The following NKAIN2 variants were observed in gnomAD, a reference collection of about 807,000 sequenced individuals.
NKAIN2 encodes sodium/potassium transporting ATPase interacting 2.
Under a neutral mutation model 32.6 loss-of-function variants are expected in NKAIN2, and 14 were observed. That is an observed-to-expected ratio of 0.43 (90% CI 0.28 to 0.67). The LOEUF (loss-of-function observed/expected upper bound fraction) is 0.67, where lower values mean the gene tolerates loss of function less well. Ranked by LOEUF, NKAIN2 falls within the 30% of genes least tolerant of loss-of-function variation. The pLI is 0.17. For missense variants in NKAIN2, 198 were observed against 258.3 expected, an observed-to-expected ratio of 0.77 and a Z score of 1.60; for synonymous variants, 80 against 87.2, an observed-to-expected ratio of 0.92 and a Z score of 0.46.
chr6:124,759,659 C>CA (rs1778163131), intron 4 of NKAIN2, among the ~76,000 whole-genome samples: 1 of 107,628 alleles, frequency 9.3e-6, no homozygotes, highest in East Asian at 4.5e-4. Flanking sequence ...ACACACACCC[C>CA]CTATCTCCCT....
chr6:124,417,671 C>T (rs988088597), intron 3 of NKAIN2, among the ~76,000 whole-genome samples: 13 of 152,218 alleles, frequency 8.5e-5, no homozygotes, highest in South Asian at 2.1e-4. Flanking sequence ...GTGACTTTGT[C>T]TTCAGAACAC....
At chr6:124,601,061 G>C (rs1048995939) in intron 3 of NKAIN2, among the ~76,000 whole-genome samples, 1 of 151,996 alleles carries the variant, frequency 6.6e-6, no homozygotes, top group Non-Finnish European at 1.5e-5. Context: ...CATAGAGATA[G>C]GAAGGATAAT....
intron 1 of NKAIN2, among the ~76,000 whole-genome samples, chr6:123,864,839 C>G (rs1775921059): frequency 6.6e-6 from 1 of 152,126 alleles, no homozygotes; most frequent in South Asian, 2.1e-4. Context: ...TCTCAGTTAA[C>G]CTCCTAGAAA....
At chr6:124,292,262 A>T (rs937398906) in intron 2 of NKAIN2, among the ~76,000 whole-genome samples, 8 of 152,126 alleles carry the variant, frequency 5.3e-5, no homozygotes, top group African/African-American at 1.7e-4. Flanking sequence ...CTAGCAGTCC[A>T]GCATTTTTTT....
intron 4 of NKAIN2, among the ~76,000 whole-genome samples, chr6:124,761,939 G>A (rs746724342): frequency 2.6e-5 from 4 of 152,118 alleles, no homozygotes; most frequent in Non-Finnish European, 4.4e-5. Context: ...CAATTTCAGT[G>A]TCCTTTATCT....
chr6:124,286,663 TGTGTGTGTGTGCGCGCGC>T (rs1795560290), intron 2 of NKAIN2, among the ~76,000 whole-genome samples: 1 of 124,064 alleles, frequency 8.1e-6, no homozygotes, highest in African/African-American at 4.6e-5. Context: ...TGTGTGTGTG[TGTGTGTGTGTGCGCGCGC>T]GTGTGTGTGT....
At chr6:124,173,652 G>C (rs1207951887) in intron 1 of NKAIN2, among the ~76,000 whole-genome samples, 1 of 152,024 alleles carries the variant, frequency 6.6e-6, no homozygotes, top group African/African-American at 2.4e-5. Flanking sequence ...AACTAAATTT[G>C]ATACTGACTT....
At position 124,712,677 on chromosome 6, in the gene NKAIN2, C is replaced by G. The variant is rs28378816; in HGVS notation, c.474+54291C>G. On this transcript the variant is annotated intron_variant, in intron 4 of 6. Transcript: ENST00000368417. ...GGCAATGCCTGGCCCTGCTTCGGCTCGTGCACGGTGTGCGCACCCACTGAC... is the reference window on the plus strand; with the variant it reads ...GGCAATGCCTGGCCCTGCTTCGGCTGGTGCACGGTGTGCGCACCCACTGAC... 3.0e-3 allele frequency among the ~76,000 whole-genome samples: 458 copies of G among 151,816 alleles called. 2 individuals are homozygous for G. Among genetic ancestry groups the G allele is most frequent in the African/African-American group, 0.01 (421 of 41,338 alleles).
At chr6:124,167,514 T>A (rs542202240) in intron 1 of NKAIN2, among the ~76,000 whole-genome samples, 27 of 152,310 alleles carry the variant, frequency 1.8e-4, no homozygotes, top group African/African-American at 6.0e-4. Flanking sequence ...CTTTATTTCC[T>A]TCTCCTGCCT....
At chr6:124,269,554 G>T (rs146799874) in intron 1 of NKAIN2, among the ~76,000 whole-genome samples, 327 of 148,296 alleles carry the variant, frequency 2.2e-3, no homozygotes, top group African/African-American at 7.7e-3. Flanking sequence ...TGAAACCTCC[G>T]CCTCCCAAGT....
At chr6:123,994,118 G>A (rs772570855) in intron 1 of NKAIN2, among the ~76,000 whole-genome samples, 5 of 151,970 alleles carry the variant, frequency 3.3e-5, no homozygotes, top group Non-Finnish European at 5.9e-5. Context: ...GGCAATAGTA[G>A]CTCAGAATTT....
intron 1 of NKAIN2, among the ~76,000 whole-genome samples, chr6:124,167,929 T>C (rs986917741): frequency 3.3e-5 from 5 of 152,212 alleles, no homozygotes; most frequent in African/African-American, 1.2e-4. Flanking sequence ...ATGTAATGTT[T>C]ATCAAAGTAC....
chr6:123,961,346 T>C (rs747820493), intron 1 of NKAIN2, among the ~76,000 whole-genome samples: 1 of 152,172 alleles, frequency 6.6e-6, no homozygotes, highest in Non-Finnish European at 1.5e-5. Context: ...GTAATCAAAC[T>C]TGTTTAAAGC....
chr6:124,360,076 T>A (rs2114268441), intron 3 of NKAIN2, among the ~76,000 whole-genome samples: 1 of 152,332 alleles, frequency 6.6e-6, no homozygotes, highest in Admixed American at 6.5e-5. Context: ...GGATTACGTA[T>A]ATTGATTTGC....
chr6:124,188,112 G>A (rs922776516), intron 1 of NKAIN2, among the ~76,000 whole-genome samples: 20 of 152,050 alleles, frequency 1.3e-4, no homozygotes, highest in Non-Finnish European at 2.6e-4. Flanking sequence ...ATGAAAATGC[G>A]CCACAGTTCT....
intron 1 of NKAIN2, among the ~76,000 whole-genome samples, chr6:124,055,404 C>G (rs1782597645): frequency 6.6e-6 from 1 of 151,972 alleles, no homozygotes; most frequent in Non-Finnish European, 1.5e-5. Context: ...AAAACTGTTA[C>G]TCTTAAAGAT....
At chr6:124,619,505 C>T (rs1289829541) in intron 3 of NKAIN2, among the ~76,000 whole-genome samples, 1 of 152,116 alleles carries the variant, frequency 6.6e-6, no homozygotes, top group East Asian at 1.9e-4. Context: ...CTGGCAATTT[C>T]ATTTCACTTG....
intron 1 of NKAIN2, among the ~76,000 whole-genome samples, chr6:123,974,334 GA>G (rs1778461038): frequency 9.3e-6 from 1 of 107,132 alleles, no homozygotes; most frequent in Non-Finnish European, 1.9e-5. Flanking sequence ...TTGAAGTTAG[GA>G]TAGCAGCAGG....
At chr6:123,979,433 G>C (rs1299417131) in intron 1 of NKAIN2, among the ~76,000 whole-genome samples, 2 of 152,224 alleles carry the variant, frequency 1.3e-5, no homozygotes, top group Non-Finnish European at 2.9e-5. Flanking sequence ...GGTTCTAAGA[G>C]TTCTTGGACA....
Sources: allele counts gnomAD v4.1 joint callset (sites outside exome capture counted in the v4.1 genomes callset), GRCh38; gene constraint gnomAD v4.1.1; transcripts MANE v1.5; gene names NCBI Gene and HGNC (gene_info 2026-07-23, HGNC 2026-07-21).